The following SLC22A7 variants were observed in gnomAD, a reference collection of about 807,000 sequenced individuals.
SLC22A7 encodes the protein hOAT2.
SLC22A7 carries 48 observed loss-of-function variants against 62.2 expected under a neutral mutation model. The ratio of observed to expected loss-of-function variants is 0.77; its 90% CI spans 0.61 to 0.98. SLC22A7 has a LOEUF of 0.98. SLC22A7 is among the 50% of genes least tolerant of loss of function. The pLI is 0.00. For missense variants in SLC22A7, 581 were observed against 703.8 expected (o/e 0.83, Z 1.97); for synonymous variants, 276 against 314.8 (o/e 0.88, Z 1.30).
chr6:43,302,529 C>T lies in SLC22A7; in HGVS notation c.1276+115C>T, dbSNP rs957243540. The T allele has an allele frequency of 4.4e-5, 53 of 1,200,334 alleles. No homozygotes were observed. In the African/African-American group the frequency reaches 5.9e-4, roughly 13 times the overall value. 74.4% of individuals were successfully genotyped at this position (1,200,334 alleles called of 1,614,324 possible). ...CCCACTCCTCCCCCAGATCCCTGCT[C>T]TTACCCAGTGAGCTCAGACTCTCCA... On this transcript the variant is annotated intron_variant, in intron 8 of 10. Coordinates refer to ENST00000372585, the MANE Select transcript of SLC22A7 (RefSeq NM_153320.2). The surrounding 1 kb of genome is among the most constrained non-coding windows in gnomAD (Gnocchi z 5.0).
chr6:43,303,229 G>T, intron 9 of SLC22A7: 2 of 896,460 alleles, frequency 2.2e-6, no homozygotes, highest in Non-Finnish European at 2.7e-6. Flanking sequence ...GGAAGGCCAA[G>T]GCGGGCGGAT....
In SLC22A7 at chr6:43,299,393, G is replaced by A. The variant is rs1778653393; in HGVS notation, c.403G>A (p.Asp135Asn). 5 of 1,614,186 alleles carry A rather than the reference G, an allele frequency of 3.1e-6. No homozygotes were observed. In the African/African-American group the frequency reaches 4.0e-5, roughly 13 times the overall value. The change falls in exon 3 of 11, where the codon GAT becomes AAT. Residue 135 changes from aspartate to asparagine, a missense_variant. Coordinates refer to ENST00000372585, the MANE Select transcript of SLC22A7 (RefSeq NM_153320.2). The surrounding 1 kb of genome is among the most constrained non-coding windows in gnomAD (Gnocchi z 4.4). ...CCCTTTCTGCCTGTCCTTGCAGTGG[G>A]ATCTGGTGTGTGAGCAGAAAGGTCT... ...SSTIATESQW[D>N]LVCEQKGLNR...
chr6:43,298,104 GC>G (rs1778599124), upstream of SLC22A7: 1 of 479,468 alleles, frequency 2.1e-6, no homozygotes. Flanking sequence ...AAGCCCCAGA[GC>G]CACGAGCCAG....
intron 5 of SLC22A7, among the ~76,000 whole-genome samples, chr6:43,300,669 C>G (rs937925412): frequency 5.9e-5 from 9 of 152,142 alleles, no homozygotes; most frequent in Non-Finnish European, 1.2e-4. Flanking sequence ...TAAGGTCTTG[C>G]TCTGTCGCTG....
rs917544768 is a variant in SLC22A7 at position 43,305,014 on chromosome 6, C to T, written c.*289C>T. Reference sequence around the variant, plus strand: ...GTGGTGACGAGCTGTGGGAAGAGCCCTGGATAGGAAGCCACTGAGTCTGCC... The same window carrying T: ...GTGGTGACGAGCTGTGGGAAGAGCCTTGGATAGGAAGCCACTGAGTCTGCC... On this transcript the variant is annotated 3_prime_UTR_variant, in exon 11 of 11. Transcript: ENST00000372585. The T allele has an allele frequency of 3.3e-6, 1 of 303,080 alleles. No individual in the cohort carries two copies. Among genetic ancestry groups the T allele is most frequent in the Non-Finnish European group, 6.1e-6 (1 of 165,174 alleles). 18.8% of individuals were successfully genotyped at this position (303,080 alleles called of 1,614,324 possible).
At position 43,301,607 on chromosome 6, in the gene SLC22A7, G is replaced by A. The variant is rs1778752403; in HGVS notation, c.976G>A (p.Glu326Lys). ...GGCTGTGAGCAAAGTGGCCGCCGGG[G>A]AACGGGTGGTCCGAAGACCTTCATA... ...QEAVSKVAAG[E>K]RVVRRPSYLD... Residue 326 changes from glutamate (E) to lysine (K), a missense_variant, in exon 7 of 11, where the codon GAA becomes AAA. Transcript: ENST00000372585. The A allele has an allele frequency of 6.2e-7, 1 of 1,614,040 alleles. No homozygotes were observed. The highest frequency in any genetic ancestry group is 1.7e-5 in the Admixed American group (1 of 59,998).
intron 10 of SLC22A7, 109 bp from the exon 11 acceptor site, chr6:43,304,562 T>G (rs1044000138): frequency 1.1e-6 from 1 of 896,518 alleles, no homozygotes. Context: ...GTACAGGCGT[T>G]TGTATACCAG....
intron 5 of SLC22A7, 99 bp downstream of exon 5, chr6:43,300,165 G>T: frequency 8.0e-7 from 1 of 1,250,448 alleles, no homozygotes; most frequent in Non-Finnish European, 1.1e-6. Context: ...GAGAGATGAA[G>T]GGAAAGAGAA....
At chr6:43,295,903 T>C (rs767496589), upstream of SLC22A7, 2 of 152,070 alleles carry the variant, frequency 1.3e-5, no homozygotes, top group African/African-American at 2.4e-5. Context: ...GGGCTGCAGA[T>C]TTATTTATTT....
rs1325362870 is a variant in SLC22A7, at chr6:43,302,417, G to A, written c.1276+3G>A. ...CACTAGACTGCTAGTGTCCTCCGGT[G>A]AGCCCAGTCCCATAGGTTCTGCCCA... On this transcript the variant is annotated splice_donor_region_variant and intron_variant, in intron 8 of 10. Transcript: ENST00000372585. This position sits in a 1 kb window ranked among gnomAD's most constrained non-coding sequence, Gnocchi z 5.0. 1.9e-6 allele frequency: 3 copies of A among 1,568,390 alleles called. No homozygotes were observed. The highest frequency in any genetic ancestry group is 2.3e-5 in the South Asian group (2 of 86,092).
At chr6:43,301,373 C>G (rs1389198276) in intron 6 of SLC22A7, 115 bp downstream of exon 6, 1 of 1,470,184 alleles carries the variant, frequency 6.8e-7, no homozygotes, top group Non-Finnish European at 9.3e-7. Flanking sequence ...CCTGGGCCCC[C>G]ACAGAGAGTT....
chr6:43,299,670 C>G lies in SLC22A7; in HGVS notation c.547C>G (p.Leu183Val). The G allele has an allele frequency of 6.2e-7, 1 of 1,614,224 alleles. No individual in the cohort carries two copies. The highest frequency in any genetic ancestry group is 8.5e-7 in the Non-Finnish European group (1 of 1,180,038). The part of the protein sequence containing the change: ...RLLLVAYVST[L>V]VLGLASAASV... ...GCTGCTGGTAGCCTACGTGAGTACC[C>G]TGGTGCTGGGCCTGGCATCTGCAGC... Residue 183 changes from leucine to valine, a missense_variant, in exon 4 of 11, where the codon CTG becomes GTG. Coordinates refer to ENST00000372585, the MANE Select transcript of SLC22A7 (RefSeq NM_153320.2). The surrounding 1 kb of genome is among the most constrained non-coding windows in gnomAD (Gnocchi z 4.4).
Position 43,302,642 on chromosome 6 carries a change from C to G in SLC22A7, c.1277-13C>G, listed in dbSNP as rs374401587. 6.3e-7 allele frequency: 1 copy of G among 1,581,554 alleles called. No individual in the cohort carries two copies. The highest frequency in any genetic ancestry group is 8.6e-7 in the Non-Finnish European group (1 of 1,158,006). On this transcript the variant is annotated splice_polypyrimidine_tract_variant and intron_variant, in intron 8 of 10. Coordinates refer to ENST00000372585, the MANE Select transcript of SLC22A7 (RefSeq NM_153320.2). The surrounding 1 kb of genome is among the most constrained non-coding windows in gnomAD (Gnocchi z 5.0). ...CCAAGGCCCTCTCACTACCTGAACC[C>G]GCTTCCCTCCAGATATGAAGTCCTG...
chr6:43,299,853 A>G lies in SLC22A7; in HGVS notation c.659-45A>G. 1 of 1,614,118 alleles carries G rather than the reference A, an allele frequency of 6.2e-7. No individual in the cohort carries two copies. The highest frequency in any genetic ancestry group is 8.5e-7 in the Non-Finnish European group (1 of 1,179,948). On this transcript the variant is annotated intron_variant, in intron 4 of 10. Coordinates refer to ENST00000372585, the MANE Select transcript of SLC22A7 (RefSeq NM_153320.2). This position sits in a 1 kb window ranked among gnomAD's most constrained non-coding sequence, Gnocchi z 4.4. ...CAGTTGTCAGAGTGAGGCTGAGCCC[A>G]TCTGGTCCTCACTAACCATCTTCCT...
At chr6:43,301,088 C>G in intron 5 of SLC22A7, 47 bp from the exon 6 acceptor site, 1 of 1,612,682 alleles carries the variant, frequency 6.2e-7, no homozygotes, top group Non-Finnish European at 8.5e-7. Flanking sequence ...GAACATGTGG[C>G]TTAGGGTCAT....
Position 43,302,749 on chromosome 6 carries a change from C to A in SLC22A7, c.1371C>A (p.Tyr457Ter). 1.9e-6 allele frequency: 3 copies of A among 1,607,558 alleles called. No homozygotes were observed. Among genetic ancestry groups the A allele is most frequent in the Non-Finnish European group, 2.6e-6 (3 of 1,175,962 alleles). The change falls in exon 9 of 11, where the codon TAC (tyrosine) becomes TAA (stop). Residue 457 changes from tyrosine (Y) to a stop codon, truncating the protein, a stop_gained. Transcript: ENST00000372585. LOFTEE classifies it high-confidence loss of function. The surrounding 1 kb of genome is among the most constrained non-coding windows in gnomAD (Gnocchi z 5.0). ...CCTACCTGTTCACTTCAGAGTTGTA[C>A]CCTACGGTGCTCAGGTGAGGAAGCC... is the stretch of plus-strand genomic sequence containing the variant. ...TTAYLFTSEL[Y>*]PTVLRQTGMG...
rs776573888 is a variant in SLC22A7, at chr6:43,304,236, G to C, written c.1584G>C (p.Glu528Asp). The change falls in exon 10 of 11, where the codon GAG becomes GAC. Residue 528 changes from glutamate to aspartate, a missense_variant. By Grantham distance (45) the Glu-to-Asp change is conservative (BLOSUM62 2). Coordinates refer to ENST00000372585, the MANE Select transcript of SLC22A7 (RefSeq NM_153320.2). The part of the protein sequence containing the change: ...AQLPETIQDV[E>D]RKSAPTSLQE... Reference sequence around the variant, plus strand: ...TGCCAGAGACCATCCAGGACGTGGAGAGAAAGAGGTGTGTGCACAGGACTG... The same window carrying C: ...TGCCAGAGACCATCCAGGACGTGGACAGAAAGAGGTGTGTGCACAGGACTG... The C allele has an allele frequency of 2.6e-6, 4 of 1,560,462 alleles. No individual in the cohort carries two copies. The African/African-American group carries it at 4.1e-5, about 16-fold the overall frequency.
chr6:43,299,680 G>A lies in SLC22A7; in HGVS notation c.557G>A (p.Gly186Asp). 1 of 1,614,168 alleles carries A rather than the reference G, an allele frequency of 6.2e-7. No homozygotes were observed. The highest frequency in any genetic ancestry group is 8.5e-7 in the Non-Finnish European group (1 of 1,180,014). Residue 186 changes from glycine to aspartate, a missense_variant, in exon 4 of 11, where the codon GGC becomes GAC. By Grantham distance (94) the Gly-to-Asp change is moderately conservative (BLOSUM62 -1). Coordinates refer to ENST00000372585, the MANE Select transcript of SLC22A7 (RefSeq NM_153320.2). The surrounding 1 kb of genome is among the most constrained non-coding windows in gnomAD (Gnocchi z 4.4). Reference sequence around the variant, plus strand: ...GCCTACGTGAGTACCCTGGTGCTGGGCCTGGCATCTGCAGCCTCCGTCAGC... The same window carrying A: ...GCCTACGTGAGTACCCTGGTGCTGGACCTGGCATCTGCAGCCTCCGTCAGC... Reference protein sequence around the residue: ...LVAYVSTLVLGLASAASVSYV... With the variant: ...LVAYVSTLVLDLASAASVSYV...
In SLC22A7 at chr6:43,302,061, G is replaced by C. The variant is rs1276669980; in HGVS notation, c.1062-139G>C. On this transcript the variant is annotated intron_variant, in intron 7 of 10. Coordinates refer to ENST00000372585, the MANE Select transcript of SLC22A7 (RefSeq NM_153320.2). This position sits in a 1 kb window ranked among gnomAD's most constrained non-coding sequence, Gnocchi z 5.0. The stretch of plus-strand genomic sequence containing the variant: ...TGCACAGAGGGCATTATGGATGTCA[G>C]GGAAGGTCCTGGCGGGGGGACCGGG... The C allele has an allele frequency of 2.7e-5, 20 of 730,248 alleles. No homozygotes were observed. The East Asian group carries it at 5.0e-4, about 18-fold the overall frequency. The allele number at this position is 730,248 out of a possible 1,614,324, so 45.2% of individuals were successfully genotyped here. A position where few individuals can be genotyped will look rare whatever the true frequency, so the allele number is the denominator to read the frequency against.
Sources: gnomAD v4.1 joint callset for allele counts (sites outside exome capture counted in the v4.1 genomes callset) on GRCh38, gnomAD v4.1.1 for gene constraint, Gnocchi (gnomAD v3.1) non-coding constraint, MANE v1.5 for transcripts, NCBI Gene and HGNC (gene_info 2026-07-23, HGNC 2026-07-21) for gene names.